Variants in PTPRT observed in about 807,000 individuals in gnomAD.
PTPRT encodes protein tyrosine phosphatase receptor type T.
Under a neutral mutation model 176.8 loss-of-function variants are expected in PTPRT, and 56 were observed. The ratio of observed to expected loss-of-function variants is 0.32; its 90% CI spans 0.26 to 0.40. The LOEUF (loss-of-function observed/expected upper bound fraction) is 0.40. PTPRT is among the 10% of genes least tolerant of loss of function. PTPRT has a pLI of 1.00. For synonymous variants in PTPRT, 783 were observed against 739.0 expected (o/e 1.06, Z -0.96); for missense variants, 1,540 against 1,908.2 (o/e 0.81, Z 3.60).
intron 16 of PTPRT, among the ~76,000 whole-genome samples, chr20:42,185,269 T>C (rs1213161334): frequency 2.6e-5 from 4 of 152,164 alleles, no homozygotes; most frequent in Non-Finnish European, 5.9e-5. Context: ...TGTTGTTATA[T>C]ATGCTTCTTT....
At chr20:42,044,453 A>G in the PTPRT span, among the ~76,000 whole-genome samples, 1 of 152,204 alleles carries the variant, frequency 6.6e-6, no homozygotes, top group Non-Finnish European at 1.5e-5. Context: ...CATGCTAGGC[A>G]TTGGGCATAG....
chr20:42,555,157 T>C (rs1340615855), intron 7 of PTPRT, among the ~76,000 whole-genome samples: 2 of 152,124 alleles, frequency 1.3e-5, no homozygotes, highest in Non-Finnish European at 2.9e-5. Context: ...TGGGGACAGA[T>C]GGAAATCTAA....
intron 1 of PTPRT, among the ~76,000 whole-genome samples, chr20:42,950,983 G>C (rs1258428350): frequency 6.6e-6 from 1 of 152,232 alleles, no homozygotes; most frequent in Non-Finnish European, 1.5e-5. Context: ...GAAATAATGT[G>C]ATGTTTTCTT....
intron 7 of PTPRT, among the ~76,000 whole-genome samples, chr20:42,651,233 C>T (rs2075024733): frequency 6.6e-6 from 1 of 152,054 alleles, no homozygotes; most frequent in Non-Finnish European, 1.5e-5. Flanking sequence ...AATGTGACAA[C>T]GGACATATAT....
At chr20:42,108,351 G>T (rs1253918816) in intron 23 of PTPRT, among the ~76,000 whole-genome samples, 1 of 151,938 alleles carries the variant, frequency 6.6e-6, no homozygotes, top group Non-Finnish European at 1.5e-5. Context: ...CATGACCTCG[G>T]GCAAATGACT....
At chr20:43,177,874 G>A (rs1412330353) in intron 1 of PTPRT, among the ~76,000 whole-genome samples, 1 of 152,158 alleles carries the variant, frequency 6.6e-6, no homozygotes, top group East Asian at 1.9e-4. Flanking sequence ...TTTGAAATTT[G>A]TTCAAATTAA....
chr20:42,945,801 A>G (rs1980849033), intron 1 of PTPRT, among the ~76,000 whole-genome samples: 1 of 151,984 alleles, frequency 6.6e-6, no homozygotes, highest in Non-Finnish European at 1.5e-5. Flanking sequence ...ATGTTGTGCA[A>G]TCACACTTCT....
intron 17 of PTPRT, among the ~76,000 whole-genome samples, chr20:42,143,485 A>G (rs550378226): frequency 5.9e-5 from 9 of 151,844 alleles, no homozygotes; most frequent in African/African-American, 1.7e-4. Context: ...TGAACCCGGG[A>G]AGCGGAGCTG....
At chr20:42,329,480 CACACACACACACACACACACACAT>C (rs1312200520) in intron 11 of PTPRT, among the ~76,000 whole-genome samples, 3 of 135,808 alleles carry the variant, frequency 2.2e-5, no homozygotes, top group African/African-American at 8.4e-5. Flanking sequence ...GTGGCACACA[CACACACACACACACACACACACAT>C]ACACACACAC....
chr20:43,146,558 CAA>C (rs11324602), intron 1 of PTPRT, among the ~76,000 whole-genome samples: 160 of 144,048 alleles, frequency 1.1e-3, no homozygotes, highest in Admixed American at 2.3e-3. Flanking sequence ...ACTTCTGAAC[CAA>C]AAAAAAAAAA....
chr20:42,201,833 G>A (rs1008197539), intron 15 of PTPRT, among the ~76,000 whole-genome samples: 1 of 151,776 alleles, frequency 6.6e-6, no homozygotes, highest in East Asian at 1.9e-4. Context: ...GTCAGAAGTG[G>A]CAAGTGATCT....
chr20:42,056,471 C>T, the PTPRT span, among the ~76,000 whole-genome samples: 6 of 152,204 alleles, frequency 3.9e-5, no homozygotes, highest in African/African-American at 1.4e-4. Flanking sequence ...TCCCTGCATC[C>T]TTTATTCACT....
At chr20:42,981,546 G>C (rs1483948265) in intron 1 of PTPRT, among the ~76,000 whole-genome samples, 5 of 152,212 alleles carry the variant, frequency 3.3e-5, no homozygotes, top group Non-Finnish European at 5.9e-5. Context: ...AAGCCTGAGA[G>C]CATCACAGGG....
intron 9 of PTPRT, among the ~76,000 whole-genome samples, chr20:42,375,536 C>T (rs1741938683): frequency 6.6e-6 from 1 of 151,372 alleles, no homozygotes; most frequent in Non-Finnish European, 1.5e-5. Flanking sequence ...AGGGACTAGG[C>T]CCTCACCAGA....
intron 1 of PTPRT, among the ~76,000 whole-genome samples, chr20:43,029,261 A>G (rs539293694): frequency 2.0e-5 from 3 of 152,210 alleles, no homozygotes; most frequent in South Asian, 4.1e-4. Context: ...CAAGCCCCCA[A>G]ATTACACGGA....
At chr20:42,194,430 A>G (rs750772397) in intron 16 of PTPRT, among the ~76,000 whole-genome samples, 7 of 152,252 alleles carry the variant, frequency 4.6e-5, no homozygotes, top group Non-Finnish European at 1.0e-4. Flanking sequence ...CATGGTACCC[A>G]GTAGGCAAGT....
At chr20:42,240,902 A>T (rs1309184168) in intron 14 of PTPRT, among the ~76,000 whole-genome samples, 5 of 152,252 alleles carry the variant, frequency 3.3e-5, no homozygotes, top group Admixed American at 2.0e-4. Flanking sequence ...AAAGCAGATG[A>T]TAATAGCTGT....
At position 42,415,362 on chromosome 20, in the gene PTPRT, TTTTG is replaced by T. The variant is rs10622657; in HGVS notation, c.1560+32854_1560+32857del. ...CAAGCTCAGCTGGGCTTTTTGTCTT[TTTTG>T]TTTGTTTGTTTGTTTGTTTGTTTTT... is the stretch of plus-strand genomic sequence containing the variant. On this transcript the variant is annotated intron_variant, in intron 9 of 30. Transcript: ENST00000373187. Among the ~76,000 whole-genome samples the T allele has an allele frequency of 9.0e-3, 1,349 of 149,768 alleles. 11 individuals carry two copies. The highest frequency in any genetic ancestry group is 0.01 in the African/African-American group (423 of 40,644).
chr20:42,991,318 T>G (rs950191659), intron 1 of PTPRT, among the ~76,000 whole-genome samples: 9 of 152,166 alleles, frequency 5.9e-5, no homozygotes, highest in African/African-American at 4.8e-5. Context: ...TAAGTATTTT[T>G]GGGTCCACAA....
Sources: gnomAD v4.1 joint callset for allele counts (sites outside exome capture counted in the v4.1 genomes callset) on GRCh38, gnomAD v4.1.1 for gene constraint, MANE v1.5 for transcripts, NCBI Gene and HGNC (gene_info 2026-07-23, HGNC 2026-07-21) for gene names.